MUC17: variants seen among roughly 807,000 people sequenced by gnomAD.
The protein encoded by MUC17 is mucin 17, cell surface associated, also known as mucin-17.
Under a neutral mutation model 170.3 loss-of-function variants are expected in MUC17, and 190 were observed. That is an observed-to-expected ratio of 1.12 (90% CI 0.99 to 1.26). MUC17 has a LOEUF of 1.26. Ranked by LOEUF, MUC17 falls within the 50% of genes most tolerant of loss-of-function variation. MUC17 has a pLI of 0.00. For synonymous variants in MUC17, 2,325 were observed against 2,002.5 expected (o/e 1.16, Z -4.30); for missense variants, 6,415 against 5,530.0 (o/e 1.16, Z -5.08).
In MUC17 at chr7:101,041,405, T is replaced by A; in HGVS notation, c.9989T>A (p.Met3330Lys). The A allele has an allele frequency of 3.1e-6, 5 of 1,613,764 alleles. No homozygotes were observed. The highest frequency in any genetic ancestry group is 4.2e-6 in the Non-Finnish European group (5 of 1,179,792). ...CCTCCAATTGCTGACGGTACTAGCA[T>A]GCCAACCTCAACTTATAGTGAAGGA... ...SSPPIADGTS[M>K]PTSTYSEGST... Residue 3330 changes from methionine (M) to lysine (K), a missense_variant, in exon 3 of 13, where the codon ATG becomes AAG. Coordinates refer to ENST00000306151, the MANE Select transcript of MUC17 (RefSeq NM_001040105.2).
intron 1 of MUC17, among the ~76,000 whole-genome samples, chr7:101,023,752 TGC>T (rs1794134548): frequency 6.6e-6 from 1 of 152,212 alleles, no homozygotes; most frequent in Non-Finnish European, 1.5e-5. Context: ...GTAGTGGGAT[TGC>T]AGGATCAAAT....
chr7:101,020,865 G>A (rs532063208), intron 1 of MUC17, among the ~76,000 whole-genome samples: 4 of 152,206 alleles, frequency 2.6e-5, no homozygotes, highest in South Asian at 2.1e-4. Context: ...CAGGGACCCC[G>A]GGGGGCTCAG....
At position 101,021,143 on chromosome 7, in the gene MUC17, C is replaced by T. The variant is rs536303623; in HGVS notation, c.82+926C>T. 3.4e-5 allele frequency among the ~76,000 whole-genome samples: 5 copies of T among 149,088 alleles called. No individual in the cohort carries two copies. The East Asian group carries it at 9.9e-4, about 30-fold the overall frequency. The stretch of plus-strand genomic sequence containing the variant: ...CTAATAACAGCATCTTAGACATGAT[C>T]TTTTGTTTTCCTCCCCAACCCTCAC... On this transcript the variant is annotated intron_variant, in intron 1 of 12. Coordinates refer to ENST00000306151, the MANE Select transcript of MUC17 (RefSeq NM_001040105.2).
chr7:101,036,419 T>A lies in MUC17; in HGVS notation c.5003T>A (p.Val1668Asp), dbSNP rs138509098. ...AGTCCTGTGATCACTTCTACTGAAGTCAGTTCATCTCCTACACCTGCTGAA... is the reference window on the plus strand; with the variant it reads ...AGTCCTGTGATCACTTCTACTGAAGACAGTTCATCTCCTACACCTGCTGAA... ...SNSPVITSTE[V>D]SSSPTPAEGT... The change falls in exon 3 of 13, where the codon GTC becomes GAC. Residue 1668 changes from valine (V) to aspartate (D), a missense_variant. Val to Asp is a radical substitution (Grantham distance 152). Transcript: ENST00000306151. The A allele has an allele frequency of 6.3e-7, 1 of 1,595,796 alleles. No homozygotes were observed. Among genetic ancestry groups the A allele is most frequent in the South Asian group, 1.1e-5 (1 of 89,292 alleles).
chr7:101,052,045 C>T lies in MUC17; in HGVS notation c.13103+83C>T, dbSNP rs926914529. ...TGCAGGGCTTCACCCCAGGCATTGC[C>T]TGGAGACCAAGGTCATGGGACTAGG... On this transcript the variant is annotated intron_variant, in intron 9 of 12. Transcript: ENST00000306151. 4.0e-6 allele frequency: 6 copies of T among 1,499,454 alleles called. No individual in the cohort carries two copies. The Admixed American group carries it at 7.8e-5, about 20-fold the overall frequency. 92.9% of individuals were successfully genotyped at this position (1,499,454 alleles called of 1,614,324 possible). A position where few individuals can be genotyped will look rare whatever the true frequency, so the allele number is the denominator to read the frequency against.
At position 101,041,341 on chromosome 7, in the gene MUC17, A is replaced by G; in HGVS notation, c.9925A>G (p.Ser3309Gly). ...CCTTTCAACAACTCCTGCTGACACC[A>G]GCACACCTGTGACCACTTATTCTCA... ...STLSTTPADT[S>G]TPVTTYSQAS... The change falls in exon 3 of 13, where the codon AGC becomes GGC. Residue 3309 changes from serine to glycine, a missense_variant. Physicochemically the swap from Ser to Gly is moderately conservative, Grantham distance 56. Transcript: ENST00000306151. The G allele has an allele frequency of 6.2e-7, 1 of 1,611,418 alleles. No individual in the cohort carries two copies.
chr7:101,031,925 C>T lies in MUC17; in HGVS notation c.509C>T (p.Pro170Leu), dbSNP rs1380783767. 1.9e-6 allele frequency: 3 copies of T among 1,614,094 alleles called. No homozygotes were observed. Among genetic ancestry groups the T allele is most frequent in the Non-Finnish European group, 2.5e-6 (3 of 1,180,036 alleles). ...TMAFVSTAPLPSFEAYTSLTY... is the reference protein window; with the variant it reads ...TMAFVSTAPLLSFEAYTSLTY... Reference sequence around the variant, plus strand: ...GCTTTTGTCAGCACTGCACCTCTTCCCAGTTTTGAGGCCTACACATCTTTA... The same window carrying T: ...GCTTTTGTCAGCACTGCACCTCTTCTCAGTTTTGAGGCCTACACATCTTTA... The change falls in exon 3 of 13, where the codon CCC becomes CTC. Residue 170 changes from proline to leucine, a missense_variant. Physicochemically the swap from Pro to Leu is moderately conservative, Grantham distance 98 (BLOSUM62 -3). Coordinates refer to ENST00000306151, the MANE Select transcript of MUC17 (RefSeq NM_001040105.2).
In MUC17 at chr7:101,037,034, C is replaced by G; in HGVS notation, c.5618C>G (p.Pro1873Arg). 1 of 1,583,180 alleles carries G rather than the reference C, an allele frequency of 6.3e-7. No individual in the cohort carries two copies. Among genetic ancestry groups the G allele is most frequent in the Non-Finnish European group, 8.5e-7 (1 of 1,178,818 alleles). ...SEGSTALTSI[P>R]VSTTTVASSE... The stretch of plus-strand genomic sequence containing the variant: ...GGAAGCACTGCATTAACAAGTATAC[C>G]TGTCAGCACCACAACAGTGGCCAGT... The change falls in exon 3 of 13, where the codon CCT (proline) becomes CGT (arginine). Residue 1873 changes from proline to arginine, a missense_variant. Pro to Arg is a moderately radical substitution (Grantham distance 103, BLOSUM62 -2). Transcript: ENST00000306151.
intron 11 of MUC17, among the ~76,000 whole-genome samples, chr7:101,054,475 A>G (rs73712049): frequency 0.11 from 16,769 of 152,186 alleles, 1,121 homozygotes; most frequent in African/African-American, 0.19. Flanking sequence ...AATTCTAAAA[A>G]GGGGAAGATT....
chr7:101,032,583 T>G lies in MUC17; in HGVS notation c.1167T>G (p.Ser389Arg), dbSNP rs142749514. 341 of 1,613,946 alleles carry G rather than the reference T, an allele frequency of 2.1e-4. 1 individual carries two copies. Among genetic ancestry groups the G allele is most frequent in the Admixed American group, 2.3e-4 (14 of 59,968 alleles). Residue 389 changes from serine to arginine, a missense_variant, in exon 3 of 13, where the codon AGT (serine) becomes AGG (arginine). By Grantham distance (110) the Ser-to-Arg change is moderately radical. Transcript: ENST00000306151. Reference sequence around the variant, plus strand: ...CCAGCATGCTAACCTCAACTCTTAGTGAAGGAAGCACTCCATTAACAAATA... The same window carrying G: ...CCAGCATGCTAACCTCAACTCTTAGGGAAGGAAGCACTCCATTAACAAATA... ...EATSMLTSTL[S>R]EGSTPLTNMP...
Position 101,048,054 on chromosome 7 carries a change from C to A in MUC17, c.12474C>A (p.Cys4158Ter). 1 of 1,607,092 alleles carries A rather than the reference C, an allele frequency of 6.2e-7. No homozygotes were observed. The highest frequency in any genetic ancestry group is 8.5e-7 in the Non-Finnish European group (1 of 1,177,052). Reference protein sequence around the residue: ...KNGGTWDGLKCQCPNLYYGEL... With the variant: ...KNGGTWDGLK The stretch of plus-strand genomic sequence containing the variant: ...GAGGCACCTGGGATGGGCTCAAGTG[C>A]CAGTGTCCCAACCTCTATTATGGGG... The change falls in exon 4 of 13, where the codon TGC becomes TGA. Residue 4158 changes from cysteine to a stop codon, truncating the protein, a stop_gained. Coordinates refer to ENST00000306151, the MANE Select transcript of MUC17 (RefSeq NM_001040105.2). LOFTEE classifies it high-confidence loss of function.
chr7:101,046,704 G>A (rs1381439975), intron 3 of MUC17, among the ~76,000 whole-genome samples: 1 of 152,088 alleles, frequency 6.6e-6, no homozygotes, highest in African/African-American at 2.4e-5. Flanking sequence ...CTTAAGCCCA[G>A]GAGGTCAAGG....
chr7:101,029,204 A>T (rs1794233751), intron 1 of MUC17, among the ~76,000 whole-genome samples: 1 of 150,862 alleles, frequency 6.6e-6, no homozygotes, highest in African/African-American at 2.4e-5. Flanking sequence ...AGAAAAAAAA[A>T]AAATAGCTGG....
Position 101,037,543 on chromosome 7 carries a change from A to G in MUC17, c.6127A>G (p.Thr2043Ala). ...SIQTSTPSERTTPLAGMPVST... is the reference protein window; with the variant it reads ...SIQTSTPSERATPLAGMPVST... ...ACAAACCTCAACTCCTAGTGAACGG[A>G]CCACTCCATTAGCAGGTATGCCTGT... is the stretch of plus-strand genomic sequence containing the variant. Residue 2043 changes from threonine to alanine, a missense_variant, in exon 3 of 13, where the codon ACC (threonine) becomes GCC (alanine). Coordinates refer to ENST00000306151, the MANE Select transcript of MUC17 (RefSeq NM_001040105.2). 6.2e-7 allele frequency: 1 copy of G among 1,613,950 alleles called. No individual in the cohort carries two copies. The highest frequency in any genetic ancestry group is 2.2e-5 in the East Asian group (1 of 44,864).
intron 6 of MUC17, among the ~76,000 whole-genome samples, chr7:101,049,834 T>C (rs902171713): frequency 5.9e-5 from 9 of 152,130 alleles, no homozygotes; most frequent in Non-Finnish European, 2.9e-5. Flanking sequence ...GGCTTCAATA[T>C]ATAAATGTAG....
At chr7:101,022,409 C>T (rs772136605) in intron 1 of MUC17, among the ~76,000 whole-genome samples, 7 of 152,198 alleles carry the variant, frequency 4.6e-5, no homozygotes, top group Admixed American at 3.3e-4. Flanking sequence ...TCAGGTGATC[C>T]ACCTGCCTCT....
intron 4 of MUC17, 36 bp downstream of exon 4, chr7:101,048,151 C>G (rs1357770830): frequency 6.6e-7 from 1 of 1,516,506 alleles, no homozygotes; most frequent in East Asian, 2.5e-5. Flanking sequence ...CACCCCATGC[C>G]CTGGGACCCG....
intron 11 of MUC17, among the ~76,000 whole-genome samples, chr7:101,054,091 AAG>A: frequency 7.2e-6 from 1 of 139,602 alleles, no homozygotes; most frequent in Non-Finnish European, 1.5e-5. Context: ...AAAAAAAAAA[AAG>A]AGTACATAGG....
At chr7:101,052,898 A>G in intron 9 of MUC17, 88 bp from the exon 10 acceptor site, 1 of 1,485,676 alleles carries the variant, frequency 6.7e-7, no homozygotes, top group African/African-American at 1.4e-5. Flanking sequence ...CCTCCTCTTC[A>G]TTAAACACCC....
Sources: allele counts gnomAD v4.1 joint callset (sites outside exome capture counted in the v4.1 genomes callset), GRCh38; gene constraint gnomAD v4.1.1; transcripts MANE v1.5; gene names NCBI Gene and HGNC (gene_info 2026-07-23, HGNC 2026-07-21).